The following OXR1 variants were observed in gnomAD, a reference collection of about 807,000 sequenced individuals.
The protein encoded by OXR1 is oxidation resistance protein 1.
In OXR1, 41 loss-of-function variants were observed where a neutral mutation model predicts 104.6. The observed-to-expected ratio is 0.39, with a 90% confidence interval of 0.31 to 0.51. The LOEUF (loss-of-function observed/expected upper bound fraction) is 0.51. OXR1 is among the 20% of genes least tolerant of loss of function. OXR1 has a pLI of 0.77. For missense variants in OXR1, 955 were observed against 1,031.9 expected (o/e 0.93, Z 1.02); for synonymous variants, 348 against 348.4 (o/e 1.00, Z 0.01).
intron 1 of OXR1, among the ~76,000 whole-genome samples, chr8:106,304,165 C>G (rs1192736179): frequency 6.6e-6 from 1 of 152,100 alleles, no homozygotes; most frequent in African/African-American, 2.4e-5. Context: ...GGACTCTATG[C>G]TAAACCAAAA....
intron 2 of OXR1, among the ~76,000 whole-genome samples, chr8:106,439,846 T>A (rs765991770): frequency 3.7e-4 from 56 of 152,260 alleles, no homozygotes; most frequent in Non-Finnish European, 6.9e-4. Flanking sequence ...ACTTGAAGAA[T>A]AATAATGAAA....
intron 3 of OXR1, among the ~76,000 whole-genome samples, chr8:106,597,916 T>C (rs572328778): frequency 6.6e-6 from 1 of 152,338 alleles, no homozygotes; most frequent in South Asian, 2.1e-4. Flanking sequence ...AAGCTCTCCC[T>C]TTCTTGCCTT....
intron 2 of OXR1, among the ~76,000 whole-genome samples, chr8:106,373,341 T>A (rs1816783779): frequency 6.6e-6 from 1 of 152,190 alleles, no homozygotes; most frequent in Non-Finnish European, 1.5e-5. Context: ...TTTCAATATG[T>A]AAACACAAAA....
chr8:106,490,698 A>G (rs1811024810), intron 2 of OXR1, among the ~76,000 whole-genome samples: 2 of 152,054 alleles, frequency 1.3e-5, no homozygotes, highest in Admixed American at 6.6e-5. Flanking sequence ...GCTTTTTAGG[A>G]TGATCCTTGA....
chr8:106,404,483 A>G (rs995676628), intron 2 of OXR1, among the ~76,000 whole-genome samples: 1 of 152,138 alleles, frequency 6.6e-6, no homozygotes, highest in African/African-American at 2.4e-5. Flanking sequence ...GATTTTTGTC[A>G]ATCTTAGCCC....
intron 1 of OXR1, among the ~76,000 whole-genome samples, chr8:106,333,636 T>A (rs1342844493): frequency 6.6e-6 from 1 of 152,140 alleles, no homozygotes; most frequent in Non-Finnish European, 1.5e-5. Flanking sequence ...ATTTGTGATC[T>A]ATTATTAAAT....
At chr8:106,622,479 A>ACACC (rs1821795684) in intron 3 of OXR1, among the ~76,000 whole-genome samples, 1 of 150,318 alleles carries the variant, frequency 6.7e-6, no homozygotes, top group African/African-American at 2.4e-5. Context: ...ACACACACAC[A>ACACC]CACACACCCC....
At chr8:106,485,908 G>T (rs1304915041) in intron 2 of OXR1, among the ~76,000 whole-genome samples, 2 of 148,272 alleles carry the variant, frequency 1.3e-5, no homozygotes, top group African/African-American at 4.9e-5. Flanking sequence ...TAAAAAAGTT[G>T]ATCTCATAGG....
intron 2 of OXR1, among the ~76,000 whole-genome samples, chr8:106,498,575 A>G (rs568121524): frequency 6.6e-6 from 1 of 152,098 alleles, no homozygotes; most frequent in African/African-American, 2.4e-5. Flanking sequence ...TTAATTCAAG[A>G]CTGTTGTTTT....
intron 1 of OXR1, among the ~76,000 whole-genome samples, chr8:106,326,271 T>C (rs1041322945): frequency 2.0e-5 from 3 of 152,236 alleles, no homozygotes; most frequent in African/African-American, 4.8e-5. Context: ...GTGTGTTGCG[T>C]AGAAAACAAC....
intron 1 of OXR1, among the ~76,000 whole-genome samples, chr8:106,313,884 A>G (rs879567290): frequency 6.6e-6 from 1 of 152,216 alleles, no homozygotes; most frequent in Non-Finnish European, 1.5e-5. Context: ...TGAAAACTGA[A>G]GAGGAGATCA....
At chr8:106,613,250 G>C (rs1820950255) in intron 3 of OXR1, among the ~76,000 whole-genome samples, 1 of 152,184 alleles carries the variant, frequency 6.6e-6, no homozygotes, top group Admixed American at 6.5e-5. Context: ...CGAGTGCTTA[G>C]CGTAGGCTGC....
At chr8:106,316,574 C>T (rs1010931658) in intron 1 of OXR1, among the ~76,000 whole-genome samples, 2 of 152,066 alleles carry the variant, frequency 1.3e-5, no homozygotes, top group African/African-American at 4.8e-5. Context: ...TCCTTGTTTC[C>T]TCATTTTATT....
intron 7 of OXR1, among the ~76,000 whole-genome samples, chr8:106,695,193 G>A (rs973087049): frequency 6.7e-6 from 1 of 149,978 alleles, no homozygotes; most frequent in African/African-American, 2.4e-5. Context: ...TTAAAATAAG[G>A]GTAAAGTCTA....
At chr8:106,638,644 T>C (rs988274158) in intron 3 of OXR1, among the ~76,000 whole-genome samples, 1 of 152,212 alleles carries the variant, frequency 6.6e-6, no homozygotes, top group African/African-American at 2.4e-5. Flanking sequence ...CTCACACCTG[T>C]AATTCCAGCA....
At chr8:106,458,172 G>C (rs1283279270) in intron 2 of OXR1, among the ~76,000 whole-genome samples, 1 of 152,154 alleles carries the variant, frequency 6.6e-6, no homozygotes, top group Admixed American at 6.5e-5. Flanking sequence ...TGACCCCAAA[G>C]GCATTTCAAA....
At chr8:106,294,473 G>C (rs942550874) in intron 1 of OXR1, among the ~76,000 whole-genome samples, 4 of 151,730 alleles carry the variant, frequency 2.6e-5, no homozygotes, top group Admixed American at 2.0e-4. Flanking sequence ...GCTGTCTCAG[G>C]GTTCTGCAGA....
chr8:106,553,572 G>A (rs1563601070), intron 3 of OXR1, among the ~76,000 whole-genome samples: 1 of 151,898 alleles, frequency 6.6e-6, no homozygotes, highest in Admixed American at 6.6e-5. Flanking sequence ...CACCTGCCTC[G>A]GTCTCCAAAA....
chr8:106,698,701 A>G (rs992724372), intron 7 of OXR1, among the ~76,000 whole-genome samples: 10 of 152,078 alleles, frequency 6.6e-5, no homozygotes, highest in Admixed American at 3.3e-4. Context: ...ACACATTGCA[A>G]TTTTTCTCCC....
Sources: gnomAD v4.1 joint callset for allele counts (sites outside exome capture counted in the v4.1 genomes callset) on GRCh38, gnomAD v4.1.1 for gene constraint, MANE v1.5 for transcripts, NCBI Gene and HGNC (gene_info 2026-07-23, HGNC 2026-07-21) for gene names.